Variants in SERPINB12 observed in about 807,000 individuals in gnomAD.
The protein encoded by SERPINB12 is serpin B12.
In SERPINB12, 57 loss-of-function variants were observed where a neutral mutation model predicts 41.1. The ratio of observed to expected loss-of-function variants is 1.39; its 90% CI spans 1.12 to 1.73. The LOEUF (loss-of-function observed/expected upper bound fraction) is 1.73, where lower values mean the gene tolerates loss of function less well. Among genes scored for constraint, SERPINB12 ranks in the 40% most tolerant of loss-of-function variants. The pLI is 0.00. For synonymous variants in SERPINB12, 180 were observed against 181.3 expected (o/e 0.99, Z 0.06); for missense variants, 536 against 501.9 (o/e 1.07, Z -0.65).
chr18:63,539,479 T>A (rs1239056757), upstream of SERPINB12, among the ~76,000 whole-genome samples: 2 of 152,070 alleles, frequency 1.3e-5, no homozygotes, highest in Non-Finnish European at 2.9e-5. Context: ...AGGTTCTAGA[T>A]ATATGATATA....
chr18:63,551,164 G>C (rs566063422), intron 1 of SERPINB12, among the ~76,000 whole-genome samples: 1 of 151,868 alleles, frequency 6.6e-6, no homozygotes, highest in South Asian at 2.1e-4. Flanking sequence ...AGCTACTCGG[G>C]AGGCTGAGAC....
intron 1 of SERPINB12, among the ~76,000 whole-genome samples, chr18:63,550,633 G>C (rs1017621330): frequency 6.6e-6 from 1 of 152,156 alleles, no homozygotes; most frequent in African/African-American, 2.4e-5. Flanking sequence ...CAGCTTCCTA[G>C]AAGGCTCCTT....
chr18:63,558,540 CTGGCTGTAGGATATT>C (rs1910760158), intron 3 of SERPINB12, 54 bp downstream of exon 3: 1 of 1,548,006 alleles, frequency 6.5e-7, no homozygotes. Flanking sequence ...ACTGCTTATT[CTGGCTGTAGGATATT>C]TGGTGATAGT....
At position 63,566,773 on chromosome 18, in the gene SERPINB12, G is replaced by T. The variant is rs752927011; in HGVS notation, c.1040G>T (p.Arg347Met). ...MGITDIFDET[R>M]ADLTGISPSP... ...ATTACGGATATCTTTGATGAAACGA[G>T]GGCTGATCTTACTGGAATCTCTCCA... The change falls in exon 8 of 8, where the codon AGG (arginine) becomes ATG (methionine). Residue 347 changes from arginine (R) to methionine (M), a missense_variant. Physicochemically the swap from Arg to Met is moderately conservative, Grantham distance 91. Transcript: ENST00000382768. 3 of 1,614,090 alleles carry T rather than the reference G, an allele frequency of 1.9e-6. No homozygotes were observed. Among genetic ancestry groups the T allele is most frequent in the Non-Finnish European group, 1.7e-6 (2 of 1,180,016 alleles).
chr18:63,549,279 C>A (rs576260455), intron 1 of SERPINB12, among the ~76,000 whole-genome samples: 18 of 152,268 alleles, frequency 1.2e-4, no homozygotes, highest in African/African-American at 3.9e-4. Context: ...TTCCTCATTA[C>A]TATTATTCTG....
the SERPINB12 span, among the ~76,000 whole-genome samples, chr18:63,532,046 A>G: frequency 1.3e-5 from 2 of 152,218 alleles, no homozygotes. Flanking sequence ...TAGGAATAGT[A>G]TCATTGTATT....
At chr18:63,560,260 G>A (rs930879670) in intron 4 of SERPINB12, among the ~76,000 whole-genome samples, 1 of 152,222 alleles carries the variant, frequency 6.6e-6, no homozygotes, top group African/African-American at 2.4e-5. Flanking sequence ...CCTAGAGCAA[G>A]CTGTGTCTCC....
Position 63,556,400 on chromosome 18 carries a change from C to T in SERPINB12, c.168+73C>T, listed in dbSNP as rs989758988. 5.9e-5 allele frequency: 85 copies of T among 1,445,176 alleles called. 1 individual carries two copies. In the South Asian group the frequency reaches 1.2e-3, roughly 20 times the overall value. The allele number at this position is 1,445,176 out of a possible 1,614,324, so 89.5% of individuals were successfully genotyped here. A position where few individuals can be genotyped will look rare whatever the true frequency, so the allele number is the denominator to read the frequency against. ...CACTCAAAGTCAGACCCTAATCCCA[C>T]TTAGGCAAGCCAAGGGGCTTATTGC... On this transcript the variant is annotated intron_variant, in intron 2 of 7. Coordinates refer to ENST00000382768, the MANE Select transcript of SERPINB12 (RefSeq NM_001307928.2).
chr18:63,564,912 A>G (rs1486231357), intron 6 of SERPINB12, among the ~76,000 whole-genome samples: 1 of 152,184 alleles, frequency 6.6e-6, no homozygotes, highest in Non-Finnish European at 1.5e-5. Context: ...AAACATGGAA[A>G]GGGCCAGGTG....
At chr18:63,528,245 A>C in the SERPINB12 span, among the ~76,000 whole-genome samples, 10 of 152,272 alleles carry the variant, frequency 6.6e-5, no homozygotes, top group Admixed American at 6.5e-4. Context: ...TAATAGCCAC[A>C]AATTATCCTT....
chr18:63,566,528 C>T, intron 7 of SERPINB12, 79 bp from the exon 8 acceptor site: 1 of 1,325,998 alleles, frequency 7.5e-7, no homozygotes. Flanking sequence ...CTGAAAGGGA[C>T]TCAGGCACCT....
chr18:63,561,754 T>C (rs2144345663), intron 5 of SERPINB12, among the ~76,000 whole-genome samples: 1 of 152,254 alleles, frequency 6.6e-6, no homozygotes, highest in Non-Finnish European at 1.5e-5. Context: ...ATGATGGAAA[T>C]GGAGGCCATA....
Position 63,556,270 on chromosome 18 carries a change from T to C in SERPINB12, c.111T>C (p.Ala37=), listed in dbSNP as rs530495303. 5.6e-6 allele frequency: 9 copies of C among 1,614,040 alleles called. No individual in the cohort carries two copies. The highest frequency in any genetic ancestry group is 7.6e-6 in the Non-Finnish European group (9 of 1,180,000). ...TTTTCTCTCCCCTGAGCCTCTCAGC[T>C]GCCCTTGGTATGGTACGCTTGGGTG... The part of the protein sequence containing the change: ...NIFFSPLSLS[A]ALGMVRLGAR... The change falls in exon 2 of 8, where the codon GCT becomes GCC. Residue 37 remains alanine, a synonymous_variant. Coordinates refer to ENST00000382768, the MANE Select transcript of SERPINB12 (RefSeq NM_001307928.2).
chr18:63,544,522 G>A (rs1490106484), intron 1 of SERPINB12, among the ~76,000 whole-genome samples: 1 of 152,098 alleles, frequency 6.6e-6, no homozygotes, highest in Non-Finnish European at 1.5e-5. Flanking sequence ...ATTCAGCCCA[G>A]GGCCTGCTTC....
the SERPINB12 span, among the ~76,000 whole-genome samples, chr18:63,523,294 C>G: frequency 3.9e-5 from 6 of 152,102 alleles, no homozygotes; most frequent in African/African-American, 1.4e-4. Context: ...AATCCTTAAC[C>G]CTTTCGAAGT....
chr18:63,520,896 G>C, the SERPINB12 span, among the ~76,000 whole-genome samples: 2 of 152,234 alleles, frequency 1.3e-5, no homozygotes, highest in Admixed American at 1.3e-4. Flanking sequence ...TTTCGCAGTA[G>C]CCTTGCAATA....
At chr18:63,538,026 A>G (rs1910207893), upstream of SERPINB12, among the ~76,000 whole-genome samples, 1 of 152,092 alleles carries the variant, frequency 6.6e-6, no homozygotes, top group Non-Finnish European at 1.5e-5. Flanking sequence ...CTACCATAGT[A>G]TTTAATAGGT....
intron 5 of SERPINB12, among the ~76,000 whole-genome samples, chr18:63,562,943 C>T (rs1431594172): frequency 6.6e-6 from 1 of 152,142 alleles, no homozygotes; most frequent in South Asian, 2.1e-4. Flanking sequence ...GGATATTGCC[C>T]GCTAGCCTGG....
chr18:63,520,073 T>A, the SERPINB12 span, among the ~76,000 whole-genome samples: 1 of 152,206 alleles, frequency 6.6e-6, no homozygotes, highest in Non-Finnish European at 1.5e-5. Flanking sequence ...TCTTCTGTAG[T>A]CCAAACCAGG....
Sources: allele counts gnomAD v4.1 joint callset (sites outside exome capture counted in the v4.1 genomes callset), GRCh38; gene constraint gnomAD v4.1.1; transcripts MANE v1.5; gene names NCBI Gene and HGNC (gene_info 2026-07-23, HGNC 2026-07-21).